The following TEAD4 variants were observed in gnomAD, a reference collection of about 807,000 sequenced individuals.
The protein encoded by TEAD4 is TEA domain transcription factor 4.
A neutral mutation model predicts 52.4 loss-of-function variants in TEAD4; 36 were observed. The ratio of observed to expected loss-of-function variants is 0.69; its 90% CI spans 0.53 to 0.91. The LOEUF is 0.91. TEAD4 is among the 40% of genes least tolerant of loss of function. The probability of loss-of-function intolerance (pLI) is 0.00; values close to 1 mark genes in which losing one functional copy is unlikely to be tolerated. For missense variants in TEAD4, 508 were observed against 583.9 expected (o/e 0.87, Z 1.34); for synonymous variants, 220 against 231.0 (o/e 0.95, Z 0.43).
At chr12:2,965,351 G>A (rs1034459799) in intron 2 of TEAD4, among the ~76,000 whole-genome samples, 1 of 150,956 alleles carries the variant, frequency 6.6e-6, no homozygotes, top group Non-Finnish European at 1.5e-5. Flanking sequence ...GTGGAGGTAG[G>A]GTCTCGCTTT....
chr12:2,972,771 G>C (rs1199169579), intron 2 of TEAD4, among the ~76,000 whole-genome samples: 1 of 152,120 alleles, frequency 6.6e-6, no homozygotes, highest in Admixed American at 6.5e-5. Flanking sequence ...AAAGTGCTGG[G>C]ATTACAGGCG....
intron 2 of TEAD4, among the ~76,000 whole-genome samples, chr12:2,986,151 G>A (rs1019026086): frequency 1.3e-5 from 2 of 152,088 alleles, no homozygotes; most frequent in Admixed American, 6.6e-5. Context: ...GGCCTGCACA[G>A]CGTCAGGGTC....
At chr12:2,979,168 G>T (rs111310044) in intron 2 of TEAD4, among the ~76,000 whole-genome samples, 132 of 152,204 alleles carry the variant, frequency 8.7e-4, no homozygotes, top group African/African-American at 3.0e-3. Context: ...TGCCTGCCTC[G>T]GCCTCCCAAA....
At chr12:3,010,392 G>A (rs1158219352) in intron 3 of TEAD4, among the ~76,000 whole-genome samples, 2 of 152,264 alleles carry the variant, frequency 1.3e-5, no homozygotes, top group Non-Finnish European at 2.9e-5. Flanking sequence ...AACCTTCCTT[G>A]TTGAGGGGTC....
Position 3,008,098 on chromosome 12 carries a change from C to T in TEAD4, c.227-2906C>T, listed in dbSNP as rs534209083. Among the ~76,000 whole-genome samples, 78 of 152,090 alleles carry T rather than the reference C, an allele frequency of 5.1e-4. 1 individual carries two copies. Among genetic ancestry groups the T allele is most frequent in the Admixed American group, 3.3e-4 (5 of 15,282 alleles). On this transcript the variant is annotated intron_variant, in intron 3 of 12. Transcript: ENST00000359864. ...CTATTCGCATGGACTGTGGTTCTGA[C>T]GGGGGTGAGGGCACAGACAGTACTG...
intron 2 of TEAD4, among the ~76,000 whole-genome samples, chr12:2,977,449 C>A (rs531141044): frequency 6.6e-6 from 1 of 152,230 alleles, no homozygotes; most frequent in Non-Finnish European, 1.5e-5. Context: ...GCCTCCCCCC[C>A]TCTCACCTGC....
At chr12:2,977,912 C>G (rs919078481) in intron 2 of TEAD4, among the ~76,000 whole-genome samples, 2 of 152,178 alleles carry the variant, frequency 1.3e-5, no homozygotes, top group Non-Finnish European at 2.9e-5. Context: ...CTGGCCCTTC[C>G]GAAATCACAA....
chr12:3,006,726 A>G (rs940668703), intron 3 of TEAD4, among the ~76,000 whole-genome samples: 1 of 151,520 alleles, frequency 6.6e-6, no homozygotes, highest in Non-Finnish European at 1.5e-5. Flanking sequence ...AAGAAGAAAG[A>G]AAAAAAATAC....
At position 3,006,950 on chromosome 12, in the gene TEAD4, C is replaced by T. The variant is rs560769173; in HGVS notation, c.227-4054C>T. 1.4e-3 allele frequency among the ~76,000 whole-genome samples: 211 copies of T among 151,870 alleles called. 1 individual carries two copies. The highest frequency in any genetic ancestry group is 4.8e-3 in the African/African-American group (200 of 41,412). On this transcript the variant is annotated intron_variant, in intron 3 of 12. Transcript: ENST00000359864. ...CTGAGGTGGGAGAATCACTGGAACC[C>T]AGGAGGTGGAGGTTGCGGTAAGCCG...
intron 11 of TEAD4, among the ~76,000 whole-genome samples, chr12:3,039,655 T>A (rs112418572): frequency 4.1e-4 from 63 of 152,018 alleles, no homozygotes; most frequent in African/African-American, 1.4e-3. Flanking sequence ...AGAAAGGAGG[T>A]CTTGTTTAAT....
At chr12:3,022,125 G>A (rs116380148) in intron 10 of TEAD4, 108 bp downstream of exon 10, 2 of 1,410,710 alleles carry the variant, frequency 1.4e-6, no homozygotes, top group Non-Finnish European at 1.9e-6. Flanking sequence ...ACTTGGGGAG[G>A]TGGCACCAGT....
intron 2 of TEAD4, among the ~76,000 whole-genome samples, chr12:2,980,307 C>T (rs1350389320): frequency 1.3e-5 from 2 of 152,152 alleles, no homozygotes; most frequent in African/African-American, 2.4e-5. Context: ...GTCTTCGTGT[C>T]TGCAGAGATG....
At chr12:2,995,068 C>G (rs948655906) in intron 3 of TEAD4, 76 bp downstream of exon 3, 17 of 1,533,134 alleles carry the variant, frequency 1.1e-5, no homozygotes, top group Admixed American at 5.8e-5. Flanking sequence ...GGGGTTCCTG[C>G]CGGGCCACAG....
chr12:2,995,067 G>T, intron 3 of TEAD4, 75 bp downstream of exon 3: 1 of 1,537,694 alleles, frequency 6.5e-7, no homozygotes, highest in South Asian at 1.2e-5. Context: ...TGGGGTTCCT[G>T]CCGGGCCACA....
At chr12:3,035,916 G>A (rs1189824071) in intron 10 of TEAD4, among the ~76,000 whole-genome samples, 2 of 151,612 alleles carry the variant, frequency 1.3e-5, no homozygotes, top group Non-Finnish European at 2.9e-5. Context: ...TAAGACCTTC[G>A]GCCAGTCACA....
intron 7 of TEAD4, 98 bp from the exon 8 acceptor site, chr12:3,019,017 A>C: frequency 6.8e-7 from 1 of 1,464,850 alleles, no homozygotes; most frequent in East Asian, 2.3e-5. Flanking sequence ...TGAAATCCAG[A>C]CCACCAGGAC....
chr12:2,962,917 G>C (rs530941664), intron 2 of TEAD4, among the ~76,000 whole-genome samples: 2 of 152,248 alleles, frequency 1.3e-5, no homozygotes, highest in Admixed American at 6.5e-5. Flanking sequence ...TGCAGTGCTT[G>C]TACACCCCCT....
At position 3,023,559 on chromosome 12, in the gene TEAD4, G is replaced by A. The variant is rs538744308; in HGVS notation, c.897+1542G>A. ...TCCCAGCACTTTGGGAGGCTGAGGC[G>A]GGCAGATCACAAGGCCAGGAGTTCA... On this transcript the variant is annotated intron_variant, in intron 10 of 12. Transcript: ENST00000359864. Among the ~76,000 whole-genome samples the A allele has an allele frequency of 3.3e-5, 5 of 151,754 alleles. No individual in the cohort carries two copies. In the East Asian group the frequency reaches 9.7e-4, roughly 29 times the overall value.
chr12:2,960,339 G>A, intron 2 of TEAD4: 1 of 985,626 alleles, frequency 1.0e-6, no homozygotes, highest in South Asian at 4.7e-5. Context: ...GAGCCTGGAA[G>A]GGAGAGACCT....
Sources: gnomAD v4.1 joint callset for allele counts (sites outside exome capture counted in the v4.1 genomes callset) on GRCh38, gnomAD v4.1.1 for gene constraint, MANE v1.5 for transcripts, NCBI Gene and HGNC (gene_info 2026-07-23, HGNC 2026-07-21) for gene names.